Variants in RNPEPL1 observed in about 807,000 individuals in gnomAD.
RNPEPL1 encodes arginyl aminopeptidase like 1.
Under a neutral mutation model 69.0 loss-of-function variants are expected in RNPEPL1, and 46 were observed. That is an observed-to-expected ratio of 0.67 (90% CI 0.53 to 0.85). The LOEUF (loss-of-function observed/expected upper bound fraction) is 0.85. RNPEPL1 is among the 40% of genes least tolerant of loss of function. RNPEPL1 has a pLI of 0.00. For missense variants in RNPEPL1, 869 were observed against 992.5 expected, an observed-to-expected ratio of 0.88 and a Z score of 1.67; for synonymous variants, 525 against 454.1, an observed-to-expected ratio of 1.16 and a Z score of -1.98.
intron 6 of RNPEPL1, 95 bp downstream of exon 6, chr2:240,574,723 G>T (rs1575437808): frequency 4.5e-6 from 5 of 1,109,752 alleles, no homozygotes; most frequent in Non-Finnish European, 6.6e-6. Context: ...TGGCTTCTCT[G>T]TCCTGCACTG....
chr2:240,572,654 T>C (rs2093025253), intron 2 of RNPEPL1, 91 bp downstream of exon 2: 1 of 1,460,534 alleles, frequency 6.8e-7, no homozygotes, highest in African/African-American at 1.4e-5. Context: ...CTGCCTGGGC[T>C]GTGGCCCCAG....
chr2:240,575,659 C>A (rs761914529), intron 8 of RNPEPL1, 49 bp downstream of exon 8: 2 of 1,476,668 alleles, frequency 1.4e-6, no homozygotes, highest in Non-Finnish European at 1.9e-6. Flanking sequence ...GGTATGATGG[C>A]AGGCGGGGCC....
intron 2 of RNPEPL1, among the ~76,000 whole-genome samples, chr2:240,572,896 C>T (rs959246418): frequency 6.6e-6 from 1 of 152,232 alleles, no homozygotes; most frequent in African/African-American, 2.4e-5. Context: ...CTTGGCAGCA[C>T]CCTCTGTGCT....
intron 1 of RNPEPL1, among the ~76,000 whole-genome samples, chr2:240,569,483 C>T (rs1559414642): frequency 6.6e-6 from 1 of 152,234 alleles, no homozygotes; most frequent in Non-Finnish European, 1.5e-5. Flanking sequence ...GCAGATGAGT[C>T]CAAGCCAGAG....
chr2:240,578,596 G>A lies in RNPEPL1; in HGVS notation c.*704G>A, dbSNP rs999741766. On this transcript the variant is annotated 3_prime_UTR_variant, in exon 11 of 11. Coordinates refer to ENST00000270357, the MANE Select transcript of RNPEPL1 (RefSeq NM_018226.6). Reference sequence around the variant, plus strand: ...GGGGCAAAGCAATACCCCAGGGAAAGTGGGAGGTGGTGCTGGTGCTCTCTC... The same window carrying A: ...GGGGCAAAGCAATACCCCAGGGAAAATGGGAGGTGGTGCTGGTGCTCTCTC... 6.6e-6 allele frequency: 1 copy of A among 152,582 alleles called. No individual in the cohort carries two copies. Among genetic ancestry groups the A allele is most frequent in the Non-Finnish European group, 1.5e-5 (1 of 68,232 alleles). 9.5% of individuals were successfully genotyped at this position (152,582 alleles called of 1,614,324 possible).
chr2:240,577,806 A>G lies in RNPEPL1; in HGVS notation c.2092A>G (p.Thr698Ala). ...STELGKAEAD[T>A]DSDAQALLLG... Reference sequence around the variant, plus strand: ...GGAGCTGGGCAAGGCTGAAGCAGACACAGACTCGGACGCACAGGCCCTGCT... The same window carrying G: ...GGAGCTGGGCAAGGCTGAAGCAGACGCAGACTCGGACGCACAGGCCCTGCT... Residue 698 changes from threonine to alanine, a missense_variant, in exon 11 of 11, where the codon ACA becomes GCA. By Grantham distance (58) the Thr-to-Ala change is moderately conservative. Coordinates refer to ENST00000270357, the MANE Select transcript of RNPEPL1 (RefSeq NM_018226.6). 4 of 1,608,792 alleles carry G rather than the reference A, an allele frequency of 2.5e-6. No individual in the cohort carries two copies. The highest frequency in any genetic ancestry group is 3.4e-6 in the Non-Finnish European group (4 of 1,176,852).
rs2093047541 is a variant in RNPEPL1 at position 240,579,541 on chromosome 2, G to T, written c.*1649G>T. 1 of 152,234 alleles carries T rather than the reference G, an allele frequency of 6.6e-6. No homozygotes were observed. The highest frequency in any genetic ancestry group is 1.5e-5 in the Non-Finnish European group (1 of 68,060). 9.4% of individuals were successfully genotyped at this position (152,234 alleles called of 1,614,324 possible). On this transcript the variant is annotated 3_prime_UTR_variant, in exon 11 of 11. Transcript: ENST00000270357. ...CACTGCCCCTCACACCCAGGGATAG[G>T]ATGACTGCAGTAACCCCTGTGAAAG...
At chr2:240,575,642 A>G (rs2093035478) in intron 8 of RNPEPL1, 32 bp downstream of exon 8, 1 of 1,577,756 alleles carries the variant, frequency 6.3e-7, no homozygotes, top group Non-Finnish European at 8.7e-7. Context: ...GCAGCCAGGG[A>G]GCCGTGGGTA....
chr2:240,572,045 A>C (rs933888052), intron 1 of RNPEPL1, among the ~76,000 whole-genome samples: 2 of 152,204 alleles, frequency 1.3e-5, no homozygotes, highest in Non-Finnish European at 2.9e-5. Flanking sequence ...GGGAATTTGG[A>C]CTGAGTGTGT....
chr2:240,570,046 T>G (rs1439760455), intron 1 of RNPEPL1, among the ~76,000 whole-genome samples: 1 of 152,200 alleles, frequency 6.6e-6, no homozygotes, highest in Non-Finnish European at 1.5e-5. Context: ...AGAACCCCTG[T>G]GGGTGTGCAG....
chr2:240,576,379 CT>C (rs2093037718), intron 8 of RNPEPL1, 155 bp from the exon 9 acceptor site: 1 of 655,978 alleles, frequency 1.5e-6, no homozygotes, highest in Admixed American at 2.9e-5. Flanking sequence ...AGTGGCAGTG[CT>C]GGCTGGAGCT....
At chr2:240,570,126 C>T (rs1319901204) in intron 1 of RNPEPL1, among the ~76,000 whole-genome samples, 6 of 152,246 alleles carry the variant, frequency 3.9e-5, no homozygotes, top group Non-Finnish European at 7.3e-5. Flanking sequence ...GTATGCCTCC[C>T]AGTATGACAG....
rs1217977733 is a variant in RNPEPL1, at chr2:240,578,473, G to T, written c.*581G>T. 1.3e-5 allele frequency: 2 copies of T among 152,544 alleles called. No homozygotes were observed. The highest frequency in any genetic ancestry group is 6.5e-5 in the Admixed American group (1 of 15,288). The allele number at this position is 152,544 out of a possible 1,614,324, so 9.4% of individuals were successfully genotyped here. A position where few individuals can be genotyped will look rare whatever the true frequency, so the allele number is the denominator to read the frequency against. On this transcript the variant is annotated 3_prime_UTR_variant, in exon 11 of 11. Coordinates refer to ENST00000270357, the MANE Select transcript of RNPEPL1 (RefSeq NM_018226.6). The stretch of plus-strand genomic sequence containing the variant: ...CCCTGGGGAGGGCCCTCTGGCCCCA[G>T]GCAACCTTAGCCCCTCAGAACAGGG...
In RNPEPL1 at chr2:240,574,676, C is replaced by G. The variant is rs902566672; in HGVS notation, c.1288+48C>G. The stretch of plus-strand genomic sequence containing the variant: ...TCCCACAACTGGGGATGTCACCCCT[C>G]AAGGCCTCCTTGCCTGCCCTTCGTG... On this transcript the variant is annotated intron_variant, in intron 6 of 10. Transcript: ENST00000270357. 2.1e-6 allele frequency: 3 copies of G among 1,446,546 alleles called. No individual in the cohort carries two copies. In the African/African-American group the frequency reaches 4.2e-5, roughly 20 times the overall value. The allele number at this position is 1,446,546 out of a possible 1,614,324, so 89.6% of individuals were successfully genotyped here. A position where few individuals can be genotyped will look rare whatever the true frequency, so the allele number is the denominator to read the frequency against.
chr2:240,568,831 C>A lies in RNPEPL1; in HGVS notation c.245C>A (p.Ala82Asp). 8.7e-7 allele frequency: 1 copy of A among 1,155,610 alleles called. No homozygotes were observed. Among genetic ancestry groups the A allele is most frequent in the South Asian group, 2.6e-5 (1 of 38,374 alleles). 71.6% of individuals were successfully genotyped at this position (1,155,610 alleles called of 1,614,324 possible). Reference protein sequence around the residue: ...PRALVLDAHPALRLHSAAFRR... With the variant: ...PRALVLDAHPDLRLHSAAFRR... ...GCGCTCGTGCTCGACGCGCACCCGGCTCTGCGCCTGCACTCAGCCGCCTTC... is the reference window on the plus strand; with the variant it reads ...GCGCTCGTGCTCGACGCGCACCCGGATCTGCGCCTGCACTCAGCCGCCTTC... The change falls in exon 1 of 11, where the codon GCT becomes GAT. Residue 82 changes from alanine (A) to aspartate (D), a missense_variant. This residue lies in a region of RNPEPL1 where 259 missense variants were observed against 201.5 expected (regional missense o/e 1.29). Coordinates refer to ENST00000270357, the MANE Select transcript of RNPEPL1 (RefSeq NM_018226.6). This position sits in a 1 kb window ranked among gnomAD's most constrained non-coding sequence, Gnocchi z 6.2.
Position 240,578,276 on chromosome 2 carries a change from G to C in RNPEPL1, c.*384G>C. 5.6e-6 allele frequency: 1 copy of C among 177,264 alleles called. No individual in the cohort carries two copies. The highest frequency in any genetic ancestry group is 6.0e-5 in the Admixed American group (1 of 16,548). 11.0% of individuals were successfully genotyped at this position (177,264 alleles called of 1,614,324 possible). A position where few individuals can be genotyped will look rare whatever the true frequency, so the allele number is the denominator to read the frequency against. On this transcript the variant is annotated 3_prime_UTR_variant, in exon 11 of 11. Coordinates refer to ENST00000270357, the MANE Select transcript of RNPEPL1 (RefSeq NM_018226.6). ...TGCCTTAATGTCTGCCGGGGGCCCA[G>C]GCTGTGCTGTCCCTGCAGCACGCCT... is the stretch of plus-strand genomic sequence containing the variant.
In RNPEPL1 at chr2:240,573,139, T is replaced by C. The variant is rs1184332470; in HGVS notation, c.699T>C (p.Ser233=). ...CATCGGGGGTGCAGGTGCTGATGAG[T>C]GCCACCCGGAGTGCATACATGGAGG... The part of the protein sequence containing the change: ...KAPSGVQVLM[S]ATRSAYMEEE... Residue 233 remains serine (S), a synonymous_variant, in exon 3 of 11, where the codon AGT becomes AGC. Transcript: ENST00000270357. 1 of 1,610,072 alleles carries C rather than the reference T, an allele frequency of 6.2e-7. No homozygotes were observed. The highest frequency in any genetic ancestry group is 1.1e-5 in the South Asian group (1 of 90,210).
At position 240,568,671 on chromosome 2, in the gene RNPEPL1, G is replaced by C; in HGVS notation, c.85G>C (p.Asp29His). 1.9e-6 allele frequency: 2 copies of C among 1,039,722 alleles called. No homozygotes were observed. The highest frequency in any genetic ancestry group is 2.3e-6 in the Non-Finnish European group (2 of 863,922). 64.4% of individuals were successfully genotyped at this position (1,039,722 alleles called of 1,614,324 possible). Residue 29 changes from aspartate to histidine, a missense_variant, in exon 1 of 11, where the codon GAC (aspartate) becomes CAC (histidine). Physicochemically the swap from Asp to His is moderately conservative, Grantham distance 81 (BLOSUM62 -1). Around this residue, in one of 2 missense-constraint regions of RNPEPL1, gnomAD observed 259 missense variants for 201.5 expected, o/e 1.29. Transcript: ENST00000270357. The surrounding 1 kb of genome is among the most constrained non-coding windows in gnomAD (Gnocchi z 6.2). ...RPPPEPPPAL[D>H]VASASSAQLF... is the part of the protein sequence containing the mutation. The stretch of plus-strand genomic sequence containing the variant: ...GCCGCCCGAGCCGCCGCCCGCCCTG[G>C]ACGTGGCCTCGGCCTCCAGCGCGCA...
At chr2:240,573,007 G>A in intron 2 of RNPEPL1, 103 bp from the exon 3 acceptor site, 2 of 1,324,048 alleles carry the variant, frequency 1.5e-6, no homozygotes, top group Non-Finnish European at 2.0e-6. Flanking sequence ...TGGGGATGTA[G>A]GGTTTCCTGC....
Sources: allele counts gnomAD v4.1 joint callset (sites outside exome capture counted in the v4.1 genomes callset), GRCh38; gene constraint gnomAD v4.1.1; regional missense constraint gnomAD v4.1.1; non-coding constraint Gnocchi (gnomAD v3.1); transcripts MANE v1.5; gene names NCBI Gene and HGNC (gene_info 2026-07-23, HGNC 2026-07-21).